Variants in DISP1 observed in about 807,000 individuals in gnomAD.
DISP1 encodes dispatched RND transporter family member 1, also known as protein dispatched homolog 1.
A neutral mutation model predicts 37.3 loss-of-function variants in DISP1; 30 were observed. That is an observed-to-expected ratio of 0.80 (90% confidence interval 0.60 to 1.09). DISP1 has a LOEUF of 1.09. DISP1 is among the 50% of genes least tolerant of loss of function. DISP1 has a pLI of 0.00. For missense variants in DISP1, 1,598 were observed against 1,879.5 expected (o/e 0.85, Z 2.77); for synonymous variants, 634 against 690.2 (o/e 0.92, Z 1.28).
rs1679659042 is a variant in DISP1 at position 223,003,706 on chromosome 1, A to T, written c.2309A>T (p.Lys770Met). 1.2e-6 allele frequency: 2 copies of T among 1,614,024 alleles called. No individual in the cohort carries two copies. The highest frequency in any genetic ancestry group is 8.5e-7 in the Non-Finnish European group (1 of 1,180,034). ...PFERYDAEYK[K>M]LFMFERVHHG... ...GAGCGTTATGATGCTGAATACAAAA[A>T]GCTTTTCATGTTTGAACGTGTTCAC... Residue 770 changes from lysine to methionine, a missense_variant, in exon 9 of 9, where the codon AAG (lysine) becomes ATG (methionine). Transcript: ENST00000675850. This position sits in a 1 kb window ranked among gnomAD's most constrained non-coding sequence, Gnocchi z 4.3.
At chr1:222,988,253 C>T (rs1678416921) in intron 4 of DISP1, among the ~76,000 whole-genome samples, 1 of 152,144 alleles carries the variant, frequency 6.6e-6, no homozygotes, top group Non-Finnish European at 1.5e-5. Flanking sequence ...ATAAATAGGG[C>T]TAGGAATTTT....
intron 1 of DISP1, among the ~76,000 whole-genome samples, chr1:222,914,354 C>T (rs1003226910): frequency 6.6e-5 from 10 of 151,850 alleles, no homozygotes. Flanking sequence ...TTTTGTGTGA[C>T]CTGGTGATGT....
At position 223,005,534 on chromosome 1, in the gene DISP1, G is replaced by T; in HGVS notation, c.4137G>T (p.Arg1379Ser). The T allele has an allele frequency of 6.2e-7, 1 of 1,614,162 alleles. No individual in the cohort carries two copies. The highest frequency in any genetic ancestry group is 8.5e-7 in the Non-Finnish European group (1 of 1,180,040). ...AGACCAATGTACACAGTCTTCAGAG[G>T]AGCATAGAAGAGCATCTTCCAAAGA... is the stretch of plus-strand genomic sequence containing the variant. The part of the protein sequence containing the change: ...IGKTNVHSLQ[R>S]SIEEHLPKMA... The change falls in exon 9 of 9, where the codon AGG becomes AGT. Residue 1379 changes from arginine to serine, a missense_variant. Arg to Ser is a moderately radical substitution (Grantham distance 110). Transcript: ENST00000675850.
intron 3 of DISP1, among the ~76,000 whole-genome samples, chr1:222,978,217 A>T (rs1159932398): frequency 2.0e-5 from 3 of 152,110 alleles, no homozygotes; most frequent in African/African-American, 7.2e-5. Context: ...TGCCATTCTA[A>T]CTGGTGTGAG....
chr1:222,917,473 C>G (rs1436767588), intron 1 of DISP1, among the ~76,000 whole-genome samples: 2 of 152,104 alleles, frequency 1.3e-5, no homozygotes, highest in African/African-American at 2.4e-5. Context: ...CTGCCAGCAG[C>G]AATATAAGGT....
intron 4 of DISP1, among the ~76,000 whole-genome samples, chr1:222,983,881 G>A (rs1435905089): frequency 1.3e-5 from 2 of 152,174 alleles, no homozygotes; most frequent in African/African-American, 4.8e-5. Context: ...TAAAAAAAGC[G>A]TTTTCTCATC....
chr1:222,862,319 C>T (rs778629686), intron 1 of DISP1, among the ~76,000 whole-genome samples: 4 of 151,986 alleles, frequency 2.6e-5, no homozygotes, highest in Admixed American at 6.6e-5. Context: ...TAATGTTTCT[C>T]GGAGTCATTT....
intron 3 of DISP1, 127 bp from the exon 4 acceptor site, chr1:222,982,953 A>C: frequency 9.5e-6 from 7 of 734,238 alleles, no homozygotes; most frequent in South Asian, 5.6e-5. Context: ...TTTTTTTAAC[A>C]CTTCCAAGAT....
intron 1 of DISP1, among the ~76,000 whole-genome samples, chr1:222,870,097 T>C (rs558503601): frequency 6.6e-6 from 1 of 152,336 alleles, no homozygotes; most frequent in South Asian, 2.1e-4. Flanking sequence ...GCTTCATCCA[T>C]GTCCCTACAA....
chr1:222,959,750 T>TC (rs1675904133), intron 3 of DISP1, among the ~76,000 whole-genome samples: 1 of 147,736 alleles, frequency 6.8e-6, no homozygotes, highest in South Asian at 2.1e-4. Context: ...AAAATTATTG[T>TC]TATAGGCTCA....
chr1:222,884,722 A>G (rs1175508813), intron 1 of DISP1, among the ~76,000 whole-genome samples: 1 of 152,152 alleles, frequency 6.6e-6, no homozygotes, highest in Non-Finnish European at 1.5e-5. Flanking sequence ...TTACTCTGTA[A>G]AGTTACTATT....
At chr1:222,902,559 A>C (rs1465081090) in intron 1 of DISP1, among the ~76,000 whole-genome samples, 1 of 152,164 alleles carries the variant, frequency 6.6e-6, no homozygotes, top group African/African-American at 2.4e-5. Context: ...TACTCATCTG[A>C]CAAAGGGCTA....
chr1:222,835,368 G>A (rs374618009), intron 1 of DISP1, among the ~76,000 whole-genome samples: 1 of 152,016 alleles, frequency 6.6e-6, no homozygotes, highest in Non-Finnish European at 1.5e-5. Flanking sequence ...CCGTATTGGA[G>A]TTTTTTTCTT....
Position 223,005,602 on chromosome 1 carries a change from T to TA in DISP1, c.4206dup (p.Leu1403ThrfsTer10), listed in dbSNP as rs765396196. ...TTTGTCTGCAGAAGCACTGGATCGT[T>TA]ACTCAAAACGTGTTGCGACCCCGAG... On this transcript the variant is annotated frameshift_variant, in exon 9 of 9. Coordinates refer to ENST00000675850, the MANE Select transcript of DISP1 (RefSeq NM_001377229.1). LOFTEE classifies it low-confidence loss of function (END_TRUNC). 6.2e-7 allele frequency: 1 copy of TA among 1,614,078 alleles called. No individual in the cohort carries two copies. Among genetic ancestry groups the TA allele is most frequent in the Non-Finnish European group, 8.5e-7 (1 of 1,180,008 alleles).
intron 8 of DISP1, among the ~76,000 whole-genome samples, chr1:223,001,428 C>T (rs1679435332): frequency 6.6e-6 from 1 of 152,160 alleles, no homozygotes; most frequent in African/African-American, 2.4e-5. Flanking sequence ...CTTTTCTACT[C>T]ATACTTCAGG....
At chr1:222,915,146 C>G (rs1353770312) in intron 1 of DISP1, among the ~76,000 whole-genome samples, 2 of 152,208 alleles carry the variant, frequency 1.3e-5, no homozygotes, top group Non-Finnish European at 2.9e-5. Flanking sequence ...ATTGCAAATA[C>G]AGTCAGAGAT....
chr1:222,874,305 A>C (rs561688590), intron 1 of DISP1, among the ~76,000 whole-genome samples: 9 of 151,020 alleles, frequency 6.0e-5, no homozygotes, highest in African/African-American at 2.2e-4. Context: ...GTATTTCCTG[A>C]ATTTGAATGT....
At chr1:222,896,201 G>A (rs563346582) in intron 1 of DISP1, among the ~76,000 whole-genome samples, 3 of 152,210 alleles carry the variant, frequency 2.0e-5, no homozygotes, top group Non-Finnish European at 2.9e-5. Flanking sequence ...CCCAGCTACC[G>A]GTAGGCCGAA....
chr1:222,973,847 ATCAAG>A (rs1394237978), intron 3 of DISP1, among the ~76,000 whole-genome samples: 1 of 152,200 alleles, frequency 6.6e-6, no homozygotes, highest in Admixed American at 6.5e-5. Flanking sequence ...AAAGCACGGG[ATCAAG>A]TCAAGATATT....
Sources: allele counts gnomAD v4.1 joint callset (sites outside exome capture counted in the v4.1 genomes callset), GRCh38; gene constraint gnomAD v4.1.1; non-coding constraint Gnocchi (gnomAD v3.1); transcripts MANE v1.5; gene names NCBI Gene and HGNC (gene_info 2026-07-23, HGNC 2026-07-21).